The following ZNF710 variants were observed in gnomAD, a reference collection of about 807,000 sequenced individuals.
ZNF710 encodes the protein zinc finger protein 710.
ZNF710 carries 13 observed loss-of-function variants against 50.6 expected under a neutral mutation model. The observed-to-expected ratio is 0.26, with a 90% CI of 0.17 to 0.41. ZNF710 has a LOEUF of 0.41. Among genes scored for constraint, ZNF710 ranks in the 10% least tolerant of loss-of-function variants. ZNF710 has a pLI of 1.00. For synonymous variants in ZNF710, 383 were observed against 397.0 expected, an observed-to-expected ratio of 0.96 and a Z score of 0.42; for missense variants, 721 against 936.6, an observed-to-expected ratio of 0.77 and a Z score of 3.01.
chr15:90,068,313 C>A lies in ZNF710; in HGVS notation c.1176C>A (p.Ser392Arg). 1 of 1,613,002 alleles carries A rather than the reference C, an allele frequency of 6.2e-7. No individual in the cohort carries two copies. Among genetic ancestry groups the A allele is most frequent in the Non-Finnish European group, 8.5e-7 (1 of 1,180,006 alleles). ...GCGGCCGCGGCTTCGCCTACCCCAG[C>A]GAGCTCAAGGCCCACGAAGTGAAGC... ...HFCGRGFAYPSELKAHEVKHE... is the reference protein window; with the variant it reads ...HFCGRGFAYPRELKAHEVKHE... Residue 392 changes from serine to arginine, a missense_variant, in exon 2 of 5, where the codon AGC (serine) becomes AGA (arginine). Coordinates refer to ENST00000268154, the MANE Select transcript of ZNF710 (RefSeq NM_198526.4). This position sits in a 1 kb window ranked among gnomAD's most constrained non-coding sequence, Gnocchi z 5.0.
intron 1 of ZNF710, among the ~76,000 whole-genome samples, chr15:90,021,549 CT>C (rs752127326): frequency 2.5e-4 from 38 of 152,222 alleles, no homozygotes; most frequent in Non-Finnish European, 3.8e-4. Flanking sequence ...CCTTTGTTCT[CT>C]CTTACTTCCT....
rs116192747 is a variant in ZNF710 at position 90,009,005 on chromosome 15, G to A, written c.-29+7391G>A. ...CCCAGCATGTTATATATATGGAATC[G>A]AAATGAAGTTAGAATGGTCACTACA... On this transcript the variant is annotated intron_variant, in intron 1 of 4. Transcript: ENST00000268154. Among the ~76,000 whole-genome samples, 462 of 152,156 alleles carry A rather than the reference G, an allele frequency of 3.0e-3. 3 individuals carry two copies. The highest frequency in any genetic ancestry group is 0.011 in the African/African-American group (450 of 41,524).
At chr15:90,043,231 C>A (rs929794264) in intron 1 of ZNF710, among the ~76,000 whole-genome samples, 1 of 152,242 alleles carries the variant, frequency 6.6e-6, no homozygotes, top group Admixed American at 6.5e-5. Flanking sequence ...CACTGAGAAC[C>A]CCCTCATCTG....
intron 1 of ZNF710, among the ~76,000 whole-genome samples, chr15:90,066,803 G>A (rs1387767199): frequency 2.0e-5 from 3 of 152,128 alleles, no homozygotes; most frequent in African/African-American, 7.2e-5. Context: ...TGAAGGACCT[G>A]TAGAACACAA....
At chr15:90,053,015 A>G (rs1899694620) in intron 1 of ZNF710, among the ~76,000 whole-genome samples, 2 of 152,166 alleles carry the variant, frequency 1.3e-5, no homozygotes, top group South Asian at 2.1e-4. Context: ...GGTCCATAAT[A>G]TGAGCTCAGT....
intron 1 of ZNF710, among the ~76,000 whole-genome samples, chr15:90,001,889 G>C (rs1471648188): frequency 7.5e-6 from 1 of 132,546 alleles, no homozygotes; most frequent in Non-Finnish European, 1.6e-5. Context: ...GGGGTGGGGG[G>C]GAGGGAGAGG....
intron 1 of ZNF710, among the ~76,000 whole-genome samples, chr15:90,008,441 C>CATATATATATATATAT (rs1011267136): frequency 4.7e-5 from 6 of 126,468 alleles, no homozygotes; most frequent in African/African-American, 1.9e-4. Flanking sequence ...TATATATATA[C>CATATATATATATATAT]ATATATATAT....
At chr15:90,058,750 G>C (rs997978619) in intron 1 of ZNF710, among the ~76,000 whole-genome samples, 1 of 147,702 alleles carries the variant, frequency 6.8e-6, no homozygotes, top group African/African-American at 2.7e-5. Context: ...TACACAGAGA[G>C]GTCTCTTTTA....
At chr15:90,053,604 T>A (rs892447731) in intron 1 of ZNF710, among the ~76,000 whole-genome samples, 4 of 152,052 alleles carry the variant, frequency 2.6e-5, no homozygotes, top group African/African-American at 9.7e-5. Flanking sequence ...CCTCCCAAAG[T>A]GCTGGGATTA....
intron 4 of ZNF710, among the ~76,000 whole-genome samples, chr15:90,077,445 G>A (rs940049266): frequency 1.3e-5 from 2 of 151,858 alleles, no homozygotes; most frequent in African/African-American, 4.8e-5. Context: ...GGGGTTTCAC[G>A]GTGTTAGCCA....
intron 1 of ZNF710, among the ~76,000 whole-genome samples, chr15:90,066,474 ATTTTTTTTTT>A (rs71461840): frequency 8.3e-6 from 1 of 120,522 alleles, no homozygotes; most frequent in Admixed American, 9.0e-5. Context: ...ATTTTTAAGG[ATTTTTTTTTT>A]TTTTTTTTTT....
chr15:90,050,172 C>G (rs1287900951), intron 1 of ZNF710, among the ~76,000 whole-genome samples: 2 of 152,228 alleles, frequency 1.3e-5, no homozygotes, highest in Admixed American at 6.5e-5. Flanking sequence ...TTTACTCCTC[C>G]TGGCATAAAT....
Position 90,034,416 on chromosome 15 carries a change from G to A in ZNF710, c.-28-32694G>A, listed in dbSNP as rs550379968. Among the ~76,000 whole-genome samples the A allele has an allele frequency of 6.8e-6, 1 of 148,118 alleles. No individual in the cohort carries two copies. Among genetic ancestry groups the A allele is most frequent in the East Asian group, 2.0e-4 (1 of 5,098 alleles). On this transcript the variant is annotated intron_variant, in intron 1 of 4. Transcript: ENST00000268154. The surrounding 1 kb of genome is among the most constrained non-coding windows in gnomAD (Gnocchi z 4.0). The stretch of plus-strand genomic sequence containing the variant: ...CCAGAAGTTGCCAGCTGTCCTTCCT[G>A]TTTCCAAATTCCTGTGTGTGTGTGT...
chr15:90,041,716 C>T (rs1899299521), intron 1 of ZNF710, among the ~76,000 whole-genome samples: 2 of 152,026 alleles, frequency 1.3e-5, no homozygotes, highest in South Asian at 4.1e-4. Context: ...TTCTTAAGGG[C>T]AGGACCGAGT....
intron 1 of ZNF710, among the ~76,000 whole-genome samples, chr15:90,056,775 G>C (rs910600895): frequency 6.6e-6 from 1 of 152,214 alleles, no homozygotes; most frequent in African/African-American, 2.4e-5. Flanking sequence ...AAGCTACCAT[G>C]TGCTTTTTAT....
intron 1 of ZNF710, among the ~76,000 whole-genome samples, chr15:90,065,945 T>C (rs1386758034): frequency 6.6e-6 from 1 of 152,176 alleles, no homozygotes; most frequent in Non-Finnish European, 1.5e-5. Context: ...AGATTGTGAA[T>C]GTGAACTTGG....
At chr15:90,006,253 G>T (rs1004713914) in intron 1 of ZNF710, among the ~76,000 whole-genome samples, 1 of 152,148 alleles carries the variant, frequency 6.6e-6, no homozygotes, top group African/African-American at 2.4e-5. Context: ...CTTTTTATGG[G>T]CAAAGATTGC....
chr15:90,018,261 C>T (rs925154097), intron 1 of ZNF710, among the ~76,000 whole-genome samples: 1 of 151,686 alleles, frequency 6.6e-6, no homozygotes, highest in Non-Finnish European at 1.5e-5. Context: ...CTCCGCCTCC[C>T]GGATTCAAGC....
At chr15:90,035,276 G>C (rs1012294611) in intron 1 of ZNF710, among the ~76,000 whole-genome samples, 2 of 152,222 alleles carry the variant, frequency 1.3e-5, no homozygotes, top group African/African-American at 4.8e-5. Context: ...TCCGGCTGCT[G>C]GGCGTCACTG....
Sources: allele counts gnomAD v4.1 joint callset (sites outside exome capture counted in the v4.1 genomes callset), GRCh38; gene constraint gnomAD v4.1.1; non-coding constraint Gnocchi (gnomAD v3.1); transcripts MANE v1.5; gene names NCBI Gene and HGNC (gene_info 2026-07-23, HGNC 2026-07-21).